AKAP9: variants seen among roughly 807,000 people sequenced by gnomAD.
The protein encoded by AKAP9 is A-kinase anchor protein 9.
Under a neutral mutation model 488.5 loss-of-function variants are expected in AKAP9, and 311 were observed. The ratio of observed to expected loss-of-function variants is 0.64; its 90% CI spans 0.58 to 0.70. AKAP9 has a LOEUF of 0.70. AKAP9 is among the 30% of genes least tolerant of loss of function. AKAP9 has a pLI of 0.00. For synonymous variants in AKAP9, 1,462 were observed against 1,483.5 expected (o/e 0.99, Z 0.33); for missense variants, 4,215 against 4,374.5 (o/e 0.96, Z 1.03).
intron 8 of AKAP9, among the ~76,000 whole-genome samples, chr7:92,008,061 G>A (rs1158905824): frequency 8.5e-5 from 13 of 152,162 alleles, no homozygotes; most frequent in Admixed American, 8.5e-4. Flanking sequence ...CAAGGATTTT[G>A]AAAGTTTATT....
In AKAP9 at chr7:92,012,439, G is replaced by A; in HGVS notation, c.3329G>A (p.Arg1110Lys). The change falls in exon 9 of 50, where the codon AGG (arginine) becomes AAG (lysine). Residue 1110 changes from arginine to lysine, a missense_variant. By Grantham distance (26) the Arg-to-Lys change is conservative. Coordinates refer to ENST00000356239, the MANE Select transcript of AKAP9 (RefSeq NM_005751.5). ...TATGTTTACTTTAAGAATGATTTAAGGCTACAGATGGAAGCCCAACGCATT... is the reference window on the plus strand; with the variant it reads ...TATGTTTACTTTAAGAATGATTTAAAGCTACAGATGGAAGCCCAACGCATT... ...NVLKSEQNDL[R>K]LQMEAQRICL... is the part of the protein sequence containing the mutation. 6.2e-7 allele frequency: 1 copy of A among 1,613,396 alleles called. No individual in the cohort carries two copies. The highest frequency in any genetic ancestry group is 2.2e-5 in the East Asian group (1 of 44,828).
intron 44 of AKAP9, chr7:92,100,170 T>A (rs1817283847): frequency 6.1e-6 from 2 of 326,144 alleles, no homozygotes; most frequent in Non-Finnish European, 1.2e-5. Context: ...AAGATACTTG[T>A]ATCTCCAAAG....
At chr7:92,030,904 G>GA (rs1804129762) in intron 15 of AKAP9, among the ~76,000 whole-genome samples, 1 of 152,100 alleles carries the variant, frequency 6.6e-6, no homozygotes, top group Non-Finnish European at 1.5e-5. Context: ...TTAAGTCTTA[G>GA]AAAAAAGTAA....
chr7:92,080,882 G>A (rs1457650118), intron 31 of AKAP9, among the ~76,000 whole-genome samples: 1 of 152,032 alleles, frequency 6.6e-6, no homozygotes, highest in Non-Finnish European at 1.5e-5. Flanking sequence ...CCTAAGATAC[G>A]TTTTCAGTTT....
At chr7:92,061,574 A>G (rs1809796365) in intron 23 of AKAP9, 152 bp downstream of exon 23, 4 of 382,468 alleles carry the variant, frequency 1.0e-5, no homozygotes, top group Non-Finnish European at 1.8e-5. Context: ...CCTCCAAGCA[A>G]TTTTTAAAAC....
At chr7:91,969,027 A>C (rs1443741545) in intron 1 of AKAP9, among the ~76,000 whole-genome samples, 1 of 151,968 alleles carries the variant, frequency 6.6e-6, no homozygotes, top group Non-Finnish European at 1.5e-5. Flanking sequence ...GTGGGACACC[A>C]TGCCTAGCCA....
chr7:92,001,615 T>G lies in AKAP9; in HGVS notation c.1698T>G (p.Ser566Arg). The stretch of plus-strand genomic sequence containing the variant: ...TTAATGAAGCACATAAGTCCCTTAG[T>G]ACAGTGGAAGATTTGAAAGCTGAGA... ...SKLNEAHKSL[S>R]TVEDLKAEIV... The change falls in exon 8 of 50, where the codon AGT becomes AGG. Residue 566 changes from serine to arginine, a missense_variant. Ser to Arg is a moderately radical substitution (Grantham distance 110). This residue lies in a region of AKAP9 where 2,361 missense variants were observed against 2,430.0 expected (regional missense o/e 0.97). Transcript: ENST00000356239. 6.2e-7 allele frequency: 1 copy of G among 1,613,716 alleles called. No homozygotes were observed. Among genetic ancestry groups the G allele is most frequent in the Non-Finnish European group, 8.5e-7 (1 of 1,179,754 alleles).
chr7:92,064,592 C>T (rs541343950), intron 24 of AKAP9, among the ~76,000 whole-genome samples: 9 of 152,208 alleles, frequency 5.9e-5, no homozygotes, highest in African/African-American at 1.7e-4. Context: ...GTTGGGCCTA[C>T]GGTCTGTTCT....
intron 20 of AKAP9, chr7:92,043,495 A>G: frequency 4.6e-6 from 1 of 219,420 alleles, no homozygotes; most frequent in Non-Finnish European, 7.7e-6. Flanking sequence ...AGGAATTTTT[A>G]TAGTAAGTGC....
Position 92,096,341 on chromosome 7 carries a change from T to G in AKAP9, c.9730-348T>G, listed in dbSNP as rs570306523. Among the ~76,000 whole-genome samples the G allele has an allele frequency of 2.2e-4, 33 of 150,884 alleles. No homozygotes were observed. In the South Asian group the frequency reaches 4.8e-3, roughly 22 times the overall value. Reference sequence around the variant, plus strand: ...ACTTCTGAAGTTTTTTTTGTTTTTTTTTTTTTTTTTGAGTCAAAAGTCTCA... The same window carrying G: ...ACTTCTGAAGTTTTTTTTGTTTTTTGTTTTTTTTTTGAGTCAAAAGTCTCA... On this transcript the variant is annotated intron_variant, in intron 40 of 49. Transcript: ENST00000356239.
At chr7:92,066,346 T>C (rs1810760196) in intron 25 of AKAP9, 81 bp from the exon 26 acceptor site, 21 of 1,537,294 alleles carry the variant, frequency 1.4e-5, no homozygotes, top group Non-Finnish European at 1.7e-5. Context: ...AACTAACATA[T>C]CTCTAAAGGA....
rs532716310 is a variant in AKAP9, at chr7:91,992,782, G to A, written c.406-103G>A. On this transcript the variant is annotated intron_variant, in intron 4 of 49. Coordinates refer to ENST00000356239, the MANE Select transcript of AKAP9 (RefSeq NM_005751.5). ...CATACCATAATCTTCCAGGTGGTGAGTGATGTTTTAAAGTGGACCTTGCTA... is the reference window on the plus strand; with the variant it reads ...CATACCATAATCTTCCAGGTGGTGAATGATGTTTTAAAGTGGACCTTGCTA... The A allele has an allele frequency of 8.4e-6, 9 of 1,070,180 alleles. No individual in the cohort carries two copies. The South Asian group carries it at 9.4e-5, about 11-fold the overall frequency. 66.3% of individuals were successfully genotyped at this position (1,070,180 alleles called of 1,614,324 possible).
intron 38 of AKAP9, among the ~76,000 whole-genome samples, chr7:92,091,036 C>T (rs1332469392): frequency 6.6e-6 from 1 of 152,094 alleles, no homozygotes; most frequent in East Asian, 1.9e-4. Flanking sequence ...GGGTTTAGTC[C>T]TTTTTCATAT....
At chr7:92,043,334 A>G in intron 20 of AKAP9, 1 of 985,012 alleles carries the variant, frequency 1.0e-6, no homozygotes. Context: ...TTGGATCATC[A>G]GTATGGAACG....
intron 2 of AKAP9, among the ~76,000 whole-genome samples, chr7:91,977,505 G>C (rs897867568): frequency 2.0e-5 from 3 of 152,100 alleles, no homozygotes; most frequent in African/African-American, 7.2e-5. Flanking sequence ...GCAGTGAGCC[G>C]AGATCACGTC....
chr7:91,978,932 ATTTT>A (rs34097770), intron 2 of AKAP9, among the ~76,000 whole-genome samples: 1 of 90,350 alleles, frequency 1.1e-5, no homozygotes, highest in Non-Finnish European at 2.2e-5. Flanking sequence ...TAGTTTTTGT[ATTTT>A]TTTTTTTTTT....
At chr7:91,994,032 G>A (rs926487178) in intron 5 of AKAP9, among the ~76,000 whole-genome samples, 1 of 152,136 alleles carries the variant, frequency 6.6e-6, no homozygotes, top group East Asian at 1.9e-4. Context: ...GGGAGGCTGA[G>A]ACAGGAAGAT....
chr7:91,987,493 C>G (rs918060053), intron 3 of AKAP9, among the ~76,000 whole-genome samples: 2 of 151,812 alleles, frequency 1.3e-5, no homozygotes, highest in Admixed American at 6.6e-5. Flanking sequence ...AATTATAACC[C>G]TAGTAATATT....
At chr7:92,062,542 A>C in intron 24 of AKAP9, 56 bp downstream of exon 24, 1 of 1,513,434 alleles carries the variant, frequency 6.6e-7, no homozygotes, top group Non-Finnish European at 9.1e-7. Flanking sequence ...TGTATTCTTC[A>C]AAGGCTTAAG....
Sources: allele counts gnomAD v4.1 joint callset (sites outside exome capture counted in the v4.1 genomes callset), GRCh38; gene constraint gnomAD v4.1.1; regional missense constraint gnomAD v4.1.1; transcripts MANE v1.5; gene names NCBI Gene and HGNC (gene_info 2026-07-23, HGNC 2026-07-21).